ALKBH5: variants seen among roughly 807,000 people sequenced by gnomAD.
ALKBH5 encodes RNA demethylase ALKBH5.
In ALKBH5, 2 loss-of-function variants were observed where a neutral mutation model predicts 32.1. The ratio of observed to expected loss-of-function variants is 0.06; its 90% CI spans 0.03 to 0.20. The LOEUF is 0.20. ALKBH5 is among the 10% of genes least tolerant of loss of function. The pLI is 1.00. For missense variants in ALKBH5, 352 were observed against 559.5 expected (o/e 0.63, Z 3.74); for synonymous variants, 300 against 231.7 (o/e 1.29, Z -2.68).
At chr17:18,201,814 T>TA (rs761315041) in intron 2 of ALKBH5, among the ~76,000 whole-genome samples, 44 of 74,560 alleles carry the variant, frequency 5.9e-4, no homozygotes, top group Admixed American at 8.5e-4. Flanking sequence ...GATAGATAGA[T>TA]AGATAGATAG....
intron 2 of ALKBH5, among the ~76,000 whole-genome samples, chr17:18,197,487 A>T (rs895547013): frequency 4.6e-5 from 7 of 152,192 alleles, no homozygotes; most frequent in Non-Finnish European, 7.3e-5. Flanking sequence ...GTTACATAGA[A>T]CCAGAGCAGT....
chr17:18,195,011 G>A lies in ALKBH5; in HGVS notation c.827G>A (p.Arg276His). The change falls in exon 2 of 4, where the codon CGC becomes CAC. Residue 276 changes from arginine to histidine, a missense_variant. By Grantham distance (29) the Arg-to-His change is conservative (BLOSUM62 0). Transcript: ENST00000399138. Reference protein sequence around the residue: ...HCIRPQDIKERRAVIILRKTR... With the variant: ...HCIRPQDIKEHRAVIILRKTR... ...ATACGGCCTCAGGACATCAAGGAGCGCCGAGCAGTCATCATCCTCAGGAAG... is the reference window on the plus strand; with the variant it reads ...ATACGGCCTCAGGACATCAAGGAGCACCGAGCAGTCATCATCCTCAGGAAG... 6.2e-7 allele frequency: 1 copy of A among 1,613,566 alleles called. No individual in the cohort carries two copies.
intron 2 of ALKBH5, among the ~76,000 whole-genome samples, chr17:18,200,066 C>G (rs2047227074): frequency 6.7e-6 from 1 of 148,162 alleles, no homozygotes; most frequent in African/African-American, 2.5e-5. Flanking sequence ...CATTGCACTC[C>G]AGCCTGGGAG....
At chr17:18,191,878 C>T (rs541567921) in intron 1 of ALKBH5, among the ~76,000 whole-genome samples, 12 of 150,160 alleles carry the variant, frequency 8.0e-5, no homozygotes, top group Admixed American at 2.0e-4. Flanking sequence ...GAACCTGGGA[C>T]GTGGAGGTTA....
chr17:18,201,802 T>TAGGATAGATAGGATAGATA (rs1567676689), intron 2 of ALKBH5, among the ~76,000 whole-genome samples: 1 of 56,334 alleles, frequency 1.8e-5, no homozygotes, highest in Non-Finnish European at 4.0e-5. Flanking sequence ...ATAAGATAGA[T>TAGGATAGATAGGATAGATA]AGATAGATAG....
Position 18,208,399 on chromosome 17 carries a change from C to G in ALKBH5, c.*3C>G. Reference sequence around the variant, plus strand: ...AGGTGAAGATGCGGCGGCACTGAGTCTACCCGCCGCCCTCCTGGGAACTCT... The same window carrying G: ...AGGTGAAGATGCGGCGGCACTGAGTGTACCCGCCGCCCTCCTGGGAACTCT... On this transcript the variant is annotated 3_prime_UTR_variant, in exon 4 of 4. Transcript: ENST00000399138. 6.2e-7 allele frequency: 1 copy of G among 1,611,872 alleles called. No homozygotes were observed. The highest frequency in any genetic ancestry group is 8.5e-7 in the Non-Finnish European group (1 of 1,179,100).
chr17:18,194,990 G>A lies in ALKBH5; in HGVS notation c.806G>A (p.Arg269Gln). ...GCTGATGAAATCACTCACTGCATAC[G>A]GCCTCAGGACATCAAGGAGCGCCGA... ...YAADEITHCI[R>Q]PQDIKERRAV... The change falls in exon 2 of 4, where the codon CGG becomes CAG. Residue 269 changes from arginine to glutamine, a missense_variant. This residue lies in a region of ALKBH5 where 56 missense variants were observed against 238.1 expected (regional missense o/e 0.24). Coordinates refer to ENST00000399138, the MANE Select transcript of ALKBH5 (RefSeq NM_017758.4). The A allele has an allele frequency of 6.2e-7, 1 of 1,613,666 alleles. No individual in the cohort carries two copies. Among genetic ancestry groups the A allele is most frequent in the Non-Finnish European group, 8.5e-7 (1 of 1,179,928 alleles).
chr17:18,184,129 G>A lies in ALKBH5; in HGVS notation c.-115G>A, dbSNP rs2047119668. ...CCGCCGGGTCCCCCACTCACGCATG[G>A]GGGTTCGGCGCTAAGGACCCCCCTC... On this transcript the variant is annotated 5_prime_UTR_variant, in exon 1 of 4. Transcript: ENST00000399138. 2 of 953,986 alleles carry A rather than the reference G, an allele frequency of 2.1e-6. No individual in the cohort carries two copies. Among genetic ancestry groups the A allele is most frequent in the Non-Finnish European group, 3.1e-6 (2 of 641,772 alleles). The allele number at this position is 953,986 out of a possible 1,614,324, so 59.1% of individuals were successfully genotyped here.
At chr17:18,192,328 AG>A (rs763380923) in intron 1 of ALKBH5, among the ~76,000 whole-genome samples, 1 of 152,186 alleles carries the variant, frequency 6.6e-6, no homozygotes, top group Non-Finnish European at 1.5e-5. Context: ...ACCCCTTTCC[AG>A]GAGTGTCAAC....
At chr17:18,205,234 C>T (rs1162733040) in intron 2 of ALKBH5, among the ~76,000 whole-genome samples, 1 of 152,152 alleles carries the variant, frequency 6.6e-6, no homozygotes, top group Non-Finnish European at 1.5e-5. Context: ...GATGGGGAAA[C>T]TGAGGCCCGA....
rs890528457 is a variant in ALKBH5 at position 18,209,260 on chromosome 17, A to G, written c.*864A>G. ...TCCTTCCAAGTCTAGCATTTGGGGT[A>G]TGGAAAATTGTTGTGGTGTGTGGTA... On this transcript the variant is annotated 3_prime_UTR_variant, in exon 4 of 4. Coordinates refer to ENST00000399138, the MANE Select transcript of ALKBH5 (RefSeq NM_017758.4). 6.6e-6 allele frequency: 1 copy of G among 152,670 alleles called. No individual in the cohort carries two copies. The highest frequency in any genetic ancestry group is 2.4e-5 in the African/African-American group (1 of 41,458). 9.5% of individuals were successfully genotyped at this position (152,670 alleles called of 1,614,324 possible). A position where few individuals can be genotyped will look rare whatever the true frequency, so the allele number is the denominator to read the frequency against.
At position 18,184,048 on chromosome 17, in the gene ALKBH5, G is replaced by T; in HGVS notation, c.-196G>T. On this transcript the variant is annotated 5_prime_UTR_variant, in exon 1 of 4. Transcript: ENST00000399138. ...AGGAAGAAGCCCCGTTGTCGCCACCGTTGCATGACCCGCCGCTCCTGAGGC... is the reference window on the plus strand; with the variant it reads ...AGGAAGAAGCCCCGTTGTCGCCACCTTTGCATGACCCGCCGCTCCTGAGGC... 2 of 677,494 alleles carry T rather than the reference G, an allele frequency of 3.0e-6. No individual in the cohort carries two copies. The highest frequency in any genetic ancestry group is 1.9e-5 in the African/African-American group (1 of 53,984). The allele number at this position is 677,494 out of a possible 1,614,324, so 42.0% of individuals were successfully genotyped here. A position where few individuals can be genotyped will look rare whatever the true frequency, so the allele number is the denominator to read the frequency against.
At chr17:18,205,702 TGGG>T (rs2047265679) in intron 2 of ALKBH5, among the ~76,000 whole-genome samples, 1 of 152,084 alleles carries the variant, frequency 6.6e-6, no homozygotes, top group Admixed American at 6.6e-5. Flanking sequence ...CCATGGGGAA[TGGG>T]GGAAACTGAG....
chr17:18,203,895 C>T (rs182143843), intron 2 of ALKBH5, among the ~76,000 whole-genome samples: 64 of 152,266 alleles, frequency 4.2e-4, no homozygotes, highest in African/African-American at 1.5e-3. Context: ...TTTTCTCCTA[C>T]CATCCATCAT....
chr17:18,188,403 T>C (rs1385745758), intron 1 of ALKBH5, among the ~76,000 whole-genome samples: 1 of 152,276 alleles, frequency 6.6e-6, no homozygotes, highest in East Asian at 1.9e-4. Flanking sequence ...GAGCTCAGCC[T>C]GTGACTCTTC....
At chr17:18,191,028 C>T (rs4925144) in intron 1 of ALKBH5, among the ~76,000 whole-genome samples, 37,556 of 152,142 alleles carry the variant, frequency 0.25, 4,868 homozygotes, top group South Asian at 0.42. Flanking sequence ...TTCTCCTTTC[C>T]CTGTGAAAAC....
intron 2 of ALKBH5, among the ~76,000 whole-genome samples, chr17:18,202,191 T>C (rs2047245774): frequency 2.0e-5 from 3 of 151,500 alleles, no homozygotes; most frequent in Admixed American, 2.0e-4. Context: ...CGCCTGTCGT[T>C]GCAGCTACTT....
intron 1 of ALKBH5, among the ~76,000 whole-genome samples, chr17:18,190,323 G>T (rs2047165971): frequency 6.6e-6 from 1 of 152,170 alleles, no homozygotes; most frequent in Admixed American, 6.5e-5. Flanking sequence ...GCCAGGGCGG[G>T]TGGATCACCT....
At chr17:18,190,375 GC>G (rs2047166186) in intron 1 of ALKBH5, among the ~76,000 whole-genome samples, 3 of 151,924 alleles carry the variant, frequency 2.0e-5, no homozygotes, top group Non-Finnish European at 2.9e-5. Flanking sequence ...GATGGTGAAA[GC>G]CCGTCTCTAC....
Sources: allele counts gnomAD v4.1 joint callset (sites outside exome capture counted in the v4.1 genomes callset), GRCh38; gene constraint gnomAD v4.1.1; regional missense constraint gnomAD v4.1.1; transcripts MANE v1.5; gene names NCBI Gene and HGNC (gene_info 2026-07-23, HGNC 2026-07-21).